The following MLIP variants were observed in gnomAD, a reference collection of about 807,000 sequenced individuals.
MLIP encodes the protein muscular LMNA-interacting protein.
MLIP carries 79 observed loss-of-function variants against 84.8 expected under a neutral mutation model. The ratio of observed to expected loss-of-function variants is 0.93; its 90% CI spans 0.78 to 1.12. The LOEUF (loss-of-function observed/expected upper bound fraction) is 1.12. Among genes scored for constraint, MLIP ranks in the 50% most tolerant of loss-of-function variants. MLIP has a pLI of 0.00. For synonymous variants in MLIP, 504 were observed against 463.0 expected (o/e 1.09, Z -1.14); for missense variants, 1,257 against 1,160.6 (o/e 1.08, Z -1.21).
intron 1 of MLIP, among the ~76,000 whole-genome samples, chr6:54,063,961 GAAA>G (rs1766127651): frequency 6.6e-5 from 3 of 45,332 alleles, no homozygotes; most frequent in East Asian, 7.2e-4. Flanking sequence ...TGTTTAATTG[GAAA>G]CAAGTTAAAC....
intron 11 of MLIP, among the ~76,000 whole-genome samples, chr6:54,222,066 G>A (rs1359048348): frequency 6.6e-6 from 1 of 151,832 alleles, no homozygotes; most frequent in Non-Finnish European, 1.5e-5. Flanking sequence ...TAACTTTATT[G>A]AGGTATAATT....
intron 11 of MLIP, among the ~76,000 whole-genome samples, chr6:54,207,941 C>T (rs1018531220): frequency 1.3e-5 from 2 of 151,932 alleles, no homozygotes; most frequent in South Asian, 2.1e-4. Context: ...CTGGCTAACA[C>T]GGTGAAACCC....
At chr6:54,089,403 T>A (rs1322367976) in intron 1 of MLIP, among the ~76,000 whole-genome samples, 2 of 152,110 alleles carry the variant, frequency 1.3e-5, no homozygotes, top group Non-Finnish European at 2.9e-5. Context: ...CACAGGATAA[T>A]TTTACTCCCA....
chr6:54,244,876 T>C (rs911443931), intron 12 of MLIP, among the ~76,000 whole-genome samples: 5 of 152,206 alleles, frequency 3.3e-5, no homozygotes, highest in African/African-American at 9.7e-5. Flanking sequence ...GAATTTTTCA[T>C]TGTAACATTT....
intron 11 of MLIP, among the ~76,000 whole-genome samples, chr6:54,220,832 G>A (rs984269520): frequency 2.0e-5 from 3 of 151,994 alleles, no homozygotes; most frequent in Non-Finnish European, 2.9e-5. Flanking sequence ...AATTCTGGAG[G>A]CATAATAGCA....
At chr6:54,063,762 T>C (rs1766113573) in intron 1 of MLIP, among the ~76,000 whole-genome samples, 1 of 148,864 alleles carries the variant, frequency 6.7e-6, no homozygotes, top group Non-Finnish European at 1.5e-5. Context: ...GTGTGGTGCC[T>C]TTCTTAGTAC....
chr6:54,254,704 A>G (rs925762524), intron 12 of MLIP, among the ~76,000 whole-genome samples: 1 of 151,036 alleles, frequency 6.6e-6, no homozygotes, highest in Non-Finnish European at 1.5e-5. Context: ...ATTTTCTGAG[A>G]TCATATTTTT....
intron 1 of MLIP, among the ~76,000 whole-genome samples, chr6:54,044,429 C>T (rs1030401841): frequency 1.3e-5 from 2 of 152,170 alleles, no homozygotes; most frequent in Admixed American, 1.3e-4. Flanking sequence ...AAATGGGGCA[C>T]TCTGTGTCCA....
rs1228990585 is a variant in MLIP, at chr6:54,055,462, T to G, written c.63+36371T>G. 5.3e-5 allele frequency among the ~76,000 whole-genome samples: 8 copies of G among 152,184 alleles called. No individual in the cohort carries two copies. The East Asian group carries it at 1.5e-3, about 29-fold the overall frequency. On this transcript the variant is annotated intron_variant, in intron 1 of 12. Transcript: ENST00000274897. ...TATTTTATGGAAGTATCATAAACTA[T>G]TTACCTAGTCCTCTCTTATTGGGCA...
intron 11 of MLIP, chr6:54,215,388 C>T (rs1779785659): frequency 7.8e-7 from 1 of 1,279,088 alleles, no homozygotes. Context: ...ATCACCATTT[C>T]TAATGGAACC....
intron 5 of MLIP, among the ~76,000 whole-genome samples, chr6:54,152,369 A>C (rs1349429346): frequency 2.6e-5 from 4 of 152,292 alleles, no homozygotes; most frequent in East Asian, 3.9e-4. Flanking sequence ...CTGCTGATAA[A>C]GATATAACTG....
chr6:54,098,304 A>ATTTT (rs1768373256), intron 1 of MLIP, among the ~76,000 whole-genome samples: 1 of 148,946 alleles, frequency 6.7e-6, no homozygotes, highest in Admixed American at 6.8e-5. Context: ...ACATGTGCAT[A>ATTTT]TCATGCCAGG....
Position 54,089,536 on chromosome 6 carries a change from G to C in MLIP, c.64-31911G>C, listed in dbSNP as rs532078942. On this transcript the variant is annotated intron_variant, in intron 1 of 12. Coordinates refer to the MLIP transcript ENST00000274897. ...TTTCAGGACAGTTCTATATCTGATG[G>C]ATGGCTTATATGACATAGCTCTAAC... is the stretch of plus-strand genomic sequence containing the variant. Among the ~76,000 whole-genome samples the C allele has an allele frequency of 1.4e-4, 22 of 152,192 alleles. No individual in the cohort carries two copies. In the South Asian group the frequency reaches 4.6e-3, roughly 32 times the overall value.
intron 1 of MLIP, chr6:54,043,402 T>A (rs982251308): frequency 7.2e-5 from 11 of 152,224 alleles, no homozygotes; most frequent in Non-Finnish European, 1.3e-4. Context: ...TGATCCATCT[T>A]GAAAGGCTGA....
At chr6:54,110,195 G>A (rs1457967580), upstream of MLIP, among the ~76,000 whole-genome samples, 1 of 151,822 alleles carries the variant, frequency 6.6e-6, no homozygotes, top group African/African-American at 2.4e-5. Flanking sequence ...ATATAAGCCA[G>A]AATGGTCTCG....
At chr6:54,044,848 AG>A (rs1361302314) in intron 1 of MLIP, among the ~76,000 whole-genome samples, 1 of 152,128 alleles carries the variant, frequency 6.6e-6, no homozygotes, top group Non-Finnish European at 1.5e-5. Context: ...TTTTATCTGA[AG>A]GTTTTTCTCT....
At chr6:54,236,061 C>A (rs1174012977) in intron 12 of MLIP, among the ~76,000 whole-genome samples, 2 of 152,166 alleles carry the variant, frequency 1.3e-5, no homozygotes, top group Non-Finnish European at 2.9e-5. Context: ...CTCTTGGATG[C>A]CCTACATATC....
chr6:54,096,588 T>A (rs780592199), intron 1 of MLIP, among the ~76,000 whole-genome samples: 3 of 152,166 alleles, frequency 2.0e-5, no homozygotes, highest in Non-Finnish European at 4.4e-5. Flanking sequence ...GGGCAGCACT[T>A]CCTAATACCA....
chr6:54,208,869 T>G (rs991465995), intron 11 of MLIP, among the ~76,000 whole-genome samples: 2 of 152,212 alleles, frequency 1.3e-5, no homozygotes, highest in African/African-American at 4.8e-5. Context: ...CCTACACAGT[T>G]TCAATTCTAC....
Sources: gnomAD v4.1 joint callset for allele counts (sites outside exome capture counted in the v4.1 genomes callset) on GRCh38, gnomAD v4.1.1 for gene constraint, MANE v1.5 for transcripts, NCBI Gene and HGNC (gene_info 2026-07-23, HGNC 2026-07-21) for gene names.